The following MTHFD1L variants were observed in gnomAD, a reference collection of about 807,000 sequenced individuals.
MTHFD1L encodes monofunctional C1-tetrahydrofolate synthase, mitochondrial.
Under a neutral mutation model 119.5 loss-of-function variants are expected in MTHFD1L, and 81 were observed. The observed-to-expected ratio is 0.68, with a 90% CI of 0.57 to 0.82. MTHFD1L has a LOEUF of 0.82. Among genes scored for constraint, MTHFD1L ranks in the 40% least tolerant of loss-of-function variants. The pLI is 0.00. For missense variants in MTHFD1L, 1,125 were observed against 1,253.4 expected, an observed-to-expected ratio of 0.90 and a Z score of 1.55; for synonymous variants, 430 against 475.2, an observed-to-expected ratio of 0.90 and a Z score of 1.24.
intron 19 of MTHFD1L, among the ~76,000 whole-genome samples, chr6:150,968,020 G>A (rs1412861627): frequency 6.6e-6 from 1 of 151,614 alleles, no homozygotes; most frequent in Non-Finnish European, 1.5e-5. Context: ...ACCTTTGCAC[G>A]GCTAACACCA....
Position 150,865,922 on chromosome 6 carries a change from G to C in MTHFD1L, c.100G>C (p.Gly34Arg). 8.4e-7 allele frequency: 1 copy of C among 1,194,914 alleles called. No individual in the cohort carries two copies. Among genetic ancestry groups the C allele is most frequent in the Non-Finnish European group, 1.0e-6 (1 of 965,792 alleles). The allele number at this position is 1,194,914 out of a possible 1,614,324, so 74.0% of individuals were successfully genotyped here. A position where few individuals can be genotyped will look rare whatever the true frequency, so the allele number is the denominator to read the frequency against. ...RLRVPCRASS[G>R]GGGGGGGGRE... ...CCGTGTGCCCTGTCGCGCTAGCAGC[G>C]GCGGCGGCGGAGGCGGCGGCGGTGG... Residue 34 changes from glycine (G) to arginine (R), a missense_variant, in exon 1 of 28, where the codon GGC becomes CGC. Transcript: ENST00000367321.
intron 19 of MTHFD1L, among the ~76,000 whole-genome samples, chr6:150,968,415 T>G (rs1797535458): frequency 6.6e-6 from 1 of 152,234 alleles, no homozygotes; most frequent in South Asian, 2.1e-4. Context: ...AAATACGAAG[T>G]GATGTGATAT....
chr6:151,082,622 A>G (rs550508220), intron 26 of MTHFD1L, among the ~76,000 whole-genome samples: 1 of 152,256 alleles, frequency 6.6e-6, no homozygotes, highest in African/African-American at 2.4e-5. Flanking sequence ...TCTATCTTAA[A>G]TAATTTACAA....
At chr6:150,908,686 T>C (rs1786354353) in intron 8 of MTHFD1L, among the ~76,000 whole-genome samples, 1 of 150,736 alleles carries the variant, frequency 6.6e-6, no homozygotes, top group African/African-American at 2.4e-5. Flanking sequence ...GAGATAAAGA[T>C]GAGGAATGCT....
At chr6:151,050,079 C>T (rs1324894261) in intron 26 of MTHFD1L, among the ~76,000 whole-genome samples, 1 of 152,178 alleles carries the variant, frequency 6.6e-6, no homozygotes, top group Non-Finnish European at 1.5e-5. Flanking sequence ...GCAGGGCACC[C>T]AGGTCGGGCA....
chr6:151,052,230 G>A (rs1399251490), intron 26 of MTHFD1L, among the ~76,000 whole-genome samples: 3 of 152,180 alleles, frequency 2.0e-5, no homozygotes, highest in African/African-American at 7.2e-5. Flanking sequence ...AATCAATTTT[G>A]GAGTTCAGGA....
intron 20 of MTHFD1L, among the ~76,000 whole-genome samples, chr6:150,975,292 T>A (rs780699350): frequency 3.3e-5 from 5 of 152,178 alleles, no homozygotes; most frequent in Non-Finnish European, 7.3e-5. Context: ...AATGTTGAAC[T>A]CTCCCGAAGG....
chr6:150,866,410 G>T (rs1778325615), intron 1 of MTHFD1L: 4 of 1,364,370 alleles, frequency 2.9e-6, no homozygotes, highest in Non-Finnish European at 3.8e-6. Context: ...TGCGGCTGGG[G>T]CGGAAACCAG....
rs1306342298 is a variant in MTHFD1L, at chr6:150,866,675, G to T, written c.227+626G>T. ...CCGGGACAGCCGCCGGGGGGAATCC[G>T]AGAGGTCTCAGCGCTGGTTTCCAGC... is the stretch of plus-strand genomic sequence containing the variant. On this transcript the variant is annotated intron_variant, in intron 1 of 27. Transcript: ENST00000367321. 3 of 1,176,336 alleles carry T rather than the reference G, an allele frequency of 2.6e-6. No homozygotes were observed. In the East Asian group the frequency reaches 1.1e-4, roughly 44 times the overall value. The allele number at this position is 1,176,336 out of a possible 1,614,324, so 72.9% of individuals were successfully genotyped here.
At chr6:151,038,856 A>G (rs958294369) in intron 26 of MTHFD1L, among the ~76,000 whole-genome samples, 15 of 152,148 alleles carry the variant, frequency 9.9e-5, no homozygotes, top group African/African-American at 3.4e-4. Flanking sequence ...TAGTGATGCC[A>G]TCGGTCATGG....
chr6:150,961,426 T>C (rs771786423), intron 18 of MTHFD1L, among the ~76,000 whole-genome samples: 1 of 152,166 alleles, frequency 6.6e-6, no homozygotes, highest in Admixed American at 6.5e-5. Context: ...ACATATTCCA[T>C]AGGTGTTTTG....
chr6:150,933,424 AAGAAAAC>A (rs886469084), intron 11 of MTHFD1L, among the ~76,000 whole-genome samples: 16 of 152,148 alleles, frequency 1.1e-4, no homozygotes, highest in Non-Finnish European at 2.2e-4. Context: ...TGTTGTATCC[AAGAAAAC>A]AGAAAGTTGA....
chr6:151,067,683 T>A (rs947610640), intron 26 of MTHFD1L, among the ~76,000 whole-genome samples: 7 of 152,360 alleles, frequency 4.6e-5, no homozygotes, highest in African/African-American at 7.2e-5. Flanking sequence ...CCAGAAATAA[T>A]GTTGTGTGTT....
chr6:150,947,609 T>A (rs1435841958), intron 15 of MTHFD1L, among the ~76,000 whole-genome samples: 2 of 105,274 alleles, frequency 1.9e-5, no homozygotes, highest in East Asian at 4.0e-4. Context: ...AAGTTTTAAT[T>A]TTTTTTTTTC....
rs756478836 is a variant in MTHFD1L, at chr6:150,944,580, C to T, written c.1535C>T (p.Thr512Met). The change falls in exon 14 of 28, where the codon ACG becomes ATG. Residue 512 changes from threonine (T) to methionine (M), a missense_variant. This residue lies in a region of MTHFD1L where 1,058 missense variants were observed against 1,151.2 expected (regional missense o/e 0.92). Transcript: ENST00000367321. ...GACACGAGGATTCTTCATGAAAACA[C>T]GCAAACAGATAAGGTGAGAAGGATG... ...AIDTRILHEN[T>M]QTDKALYNRL... is the part of the protein sequence containing the mutation. 3.4e-5 allele frequency: 55 copies of T among 1,613,128 alleles called. No individual in the cohort carries two copies. The Middle Eastern group carries it at 6.6e-4, about 19-fold the overall frequency.
intron 21 of MTHFD1L, among the ~76,000 whole-genome samples, chr6:151,011,540 C>A (rs1046961209): frequency 1.3e-5 from 2 of 152,188 alleles, no homozygotes; most frequent in Non-Finnish European, 2.9e-5. Flanking sequence ...TGACATCAGT[C>A]CCATAGTTTT....
chr6:151,020,324 G>T lies in MTHFD1L; in HGVS notation c.2586+4631G>T, dbSNP rs1164386765. 2.0e-5 allele frequency among the ~76,000 whole-genome samples: 3 copies of T among 152,192 alleles called. No homozygotes were observed. The East Asian group carries it at 5.8e-4, about 29-fold the overall frequency. On this transcript the variant is annotated intron_variant, in intron 24 of 27. Transcript: ENST00000367321. The stretch of plus-strand genomic sequence containing the variant: ...GAGTGATTCAGCTGGAGAGAGTGGG[G>T]CACCTGGCTCTCAGAGGCACTGTGC...
intron 26 of MTHFD1L, chr6:151,057,358 C>A (rs566000740): frequency 2.0e-6 from 2 of 985,060 alleles, no homozygotes; most frequent in South Asian, 4.7e-5. Flanking sequence ...CCTGAGAGAC[C>A]GGCCAGGTAC....
intron 11 of MTHFD1L, chr6:150,935,544 G>A (rs6557103): frequency 0.2 from 302,527 of 1,531,392 alleles, 31,309 homozygotes; most frequent in African/African-American, 0.25. Flanking sequence ...AAAATTTTGC[G>A]GCAACAGAAA....
Sources: gnomAD v4.1 joint callset for allele counts (sites outside exome capture counted in the v4.1 genomes callset) on GRCh38, gnomAD v4.1.1 for gene constraint, gnomAD v4.1.1 regional missense constraint, MANE v1.5 for transcripts, NCBI Gene and HGNC (gene_info 2026-07-23, HGNC 2026-07-21) for gene names.